Variants in GALNT15 observed in about 807,000 individuals in gnomAD.
The protein encoded by GALNT15 is UDP-GalNAc transferase T15.
In GALNT15, 67 loss-of-function variants were observed where a neutral mutation model predicts 66.8. That is an observed-to-expected ratio of 1.00 (90% CI 0.82 to 1.23). GALNT15 has a LOEUF of 1.23. Among genes scored for constraint, GALNT15 ranks in the 50% most tolerant of loss-of-function variants. The pLI is 0.00. For synonymous variants in GALNT15, 313 were observed against 311.5 expected (o/e 1.00, Z -0.05); for missense variants, 827 against 804.3 (o/e 1.03, Z -0.34).
At chr3:16,233,113 T>TTTTTTTTGG (rs71064272), downstream of GALNT15, among the ~76,000 whole-genome samples, 1 of 139,260 alleles carries the variant, frequency 7.2e-6, no homozygotes, top group Non-Finnish European at 1.5e-5. Flanking sequence ...TTTTTTTTTT[T>TTTTTTTTGG]GAAACGGAGT....
chr3:16,207,591 A>C lies in GALNT15; in HGVS notation c.912-912A>C, dbSNP rs2063771589. On this transcript the variant is annotated intron_variant, in intron 3 of 9. Coordinates refer to ENST00000339732, the MANE Select transcript of GALNT15 (RefSeq NM_054110.5). ...TTACCGGGAAATGAGCAAATAACCC[A>C]AAATAGTCAGGACTTTGATTATAGA... Among the ~76,000 whole-genome samples the C allele has an allele frequency of 1.6e-5, 2 of 128,250 alleles. 1 individual carries two copies. The highest frequency in any genetic ancestry group is 1.8e-4 in the Admixed American group (2 of 11,412). The allele number at this position is 128,250 out of a possible 152,430, so 84.1% of individuals were successfully genotyped here.
rs1408687639 is a variant in GALNT15, at chr3:16,222,717, G to A, written c.1732G>A (p.Glu578Lys). ...GGTGATTCTTCAGAACTGCACGGAG[G>A]AAGGCCTGGCCATCCACCAGCAGCA... ...EQVILQNCTEEGLAIHQQHWD... is the reference protein window; with the variant it reads ...EQVILQNCTEKGLAIHQQHWD... Residue 578 changes from glutamate (E) to lysine (K), a missense_variant, in exon 9 of 10, where the codon GAA becomes AAA. Transcript: ENST00000339732. 2.5e-6 allele frequency: 4 copies of A among 1,614,100 alleles called. No homozygotes were observed. The highest frequency in any genetic ancestry group is 3.4e-6 in the Non-Finnish European group (4 of 1,180,044).
chr3:16,205,656 C>T (rs1219289255), intron 3 of GALNT15, among the ~76,000 whole-genome samples: 4 of 152,194 alleles, frequency 2.6e-5, no homozygotes, highest in South Asian at 2.1e-4. Flanking sequence ...CCAGACACAT[C>T]GGTAGGTACA....
Position 16,227,856 on chromosome 3 carries a change from A to C in GALNT15, c.*356A>C. 6.7e-6 allele frequency: 7 copies of C among 1,037,098 alleles called. No individual in the cohort carries two copies. The highest frequency in any genetic ancestry group is 8.1e-6 in the Non-Finnish European group (7 of 863,514). The allele number at this position is 1,037,098 out of a possible 1,614,324, so 64.2% of individuals were successfully genotyped here. A position where few individuals can be genotyped will look rare whatever the true frequency, so the allele number is the denominator to read the frequency against. On this transcript the variant is annotated 3_prime_UTR_variant, in exon 10 of 10. Coordinates refer to ENST00000339732, the MANE Select transcript of GALNT15 (RefSeq NM_054110.5). This position sits in a 1 kb window ranked among gnomAD's most constrained non-coding sequence, Gnocchi z 4.5. ...CAGCACCTCCAGGATACATAAATTC[A>C]ATGGATCAATTTATTTGTCTTCAAA...
rs193225435 is a variant in GALNT15, at chr3:16,209,589, G to C, written c.1079+919G>C. Among the ~76,000 whole-genome samples the C allele has an allele frequency of 3.3e-3, 498 of 152,232 alleles. No homozygotes were observed. Among genetic ancestry groups the C allele is most frequent in the African/African-American group, 0.01 (430 of 41,530 alleles). ...TCCTAGCACTTTGGGAGGCAGAGGC[G>C]GGCTGATCACTCGAGGCCAGGAGTT... On this transcript the variant is annotated intron_variant, in intron 4 of 9. Transcript: ENST00000339732. This position sits in a 1 kb window ranked among gnomAD's most constrained non-coding sequence, Gnocchi z 4.1.
At chr3:16,208,750 T>G (rs2063783926) in intron 4 of GALNT15, 80 bp downstream of exon 4, 11 of 1,287,212 alleles carry the variant, frequency 8.5e-6, no homozygotes, top group Non-Finnish European at 1.2e-5. Flanking sequence ...GGTCTAATCC[T>G]ACCTCCACAG....
In GALNT15 at chr3:16,212,635, C is replaced by A; in HGVS notation, c.1264C>A (p.Gln422Lys). Residue 422 changes from glutamine (Q) to lysine (K), a missense_variant, in exon 6 of 10, where the codon CAG (glutamine) becomes AAG (lysine). Physicochemically the swap from Gln to Lys is moderately conservative, Grantham distance 53. Coordinates refer to ENST00000339732, the MANE Select transcript of GALNT15 (RefSeq NM_054110.5). ...CSRVGHIYQN[Q>K]DSHSPLDQEA... is the part of the protein sequence containing the mutation. ...TCGGGTAGGACACATCTACCAAAATCAGGATTCCCATTCCCCCCTCGACCA... is the reference window on the plus strand; with the variant it reads ...TCGGGTAGGACACATCTACCAAAATAAGGATTCCCATTCCCCCCTCGACCA... 1 of 1,613,984 alleles carries A rather than the reference C, an allele frequency of 6.2e-7. No homozygotes were observed. The highest frequency in any genetic ancestry group is 1.1e-5 in the South Asian group (1 of 91,072).
the GALNT15 span, among the ~76,000 whole-genome samples, chr3:16,245,002 T>C: frequency 6.6e-6 from 1 of 152,122 alleles, no homozygotes; most frequent in Non-Finnish European, 1.5e-5. Context: ...CAGGGTTTTC[T>C]CTGAAGGCAG....
At chr3:16,190,364 C>T (rs2063561121) in intron 1 of GALNT15, among the ~76,000 whole-genome samples, 1 of 152,232 alleles carries the variant, frequency 6.6e-6, no homozygotes, top group African/African-American at 2.4e-5. Context: ...CTAGGCCGGG[C>T]ATGGTGGCTG....
At chr3:16,177,701 G>C (rs566118560) in intron 1 of GALNT15, among the ~76,000 whole-genome samples, 2 of 152,366 alleles carry the variant, frequency 1.3e-5, no homozygotes, top group Non-Finnish European at 2.9e-5. Flanking sequence ...ATCTGGGTGT[G>C]TGTTGCAGTT....
the GALNT15 span, among the ~76,000 whole-genome samples, chr3:16,238,717 T>C: frequency 7.2e-5 from 11 of 152,158 alleles, no homozygotes; most frequent in African/African-American, 2.7e-4. The surrounding 1 kb of genome is among the most constrained non-coding windows in gnomAD (Gnocchi z 4.8). Context: ...AACTTCCACA[T>C]TTGATTGCCT....
In GALNT15 at chr3:16,175,710, T is replaced by G; in HGVS notation, c.539+20T>G. ...CCCACTGTAAGTAAGGCCCTTGTTT[T>G]CCCTTCCCTGATCCCAGGGCATGAT... On this transcript the variant is annotated intron_variant, in intron 1 of 9. Transcript: ENST00000339732. The surrounding 1 kb of genome is among the most constrained non-coding windows in gnomAD (Gnocchi z 5.6). The G allele has an allele frequency of 6.5e-7, 1 of 1,540,350 alleles. No homozygotes were observed. The highest frequency in any genetic ancestry group is 8.7e-7 in the Non-Finnish European group (1 of 1,144,418).
In GALNT15 at chr3:16,224,148, C is replaced by T. The variant is rs73138529; in HGVS notation, c.1773+1390C>T. ...GAGTAAAAGATTAGGGAGTAAGATACACCCAGCATATTTCAGGCATTAATA... is the reference window on the plus strand; with the variant it reads ...GAGTAAAAGATTAGGGAGTAAGATATACCCAGCATATTTCAGGCATTAATA... On this transcript the variant is annotated intron_variant, in intron 9 of 9. Coordinates refer to ENST00000339732, the MANE Select transcript of GALNT15 (RefSeq NM_054110.5). The surrounding 1 kb of genome is among the most constrained non-coding windows in gnomAD (Gnocchi z 5.2). Among the ~76,000 whole-genome samples, 4 of 152,088 alleles carry T rather than the reference C, an allele frequency of 2.6e-5. No homozygotes were observed. The highest frequency in any genetic ancestry group is 7.2e-5 in the African/African-American group (3 of 41,392).
the GALNT15 span, among the ~76,000 whole-genome samples, chr3:16,239,861 G>A: frequency 6.6e-6 from 1 of 152,346 alleles, no homozygotes; most frequent in South Asian, 2.1e-4. This position sits in a 1 kb window ranked among gnomAD's most constrained non-coding sequence, Gnocchi z 5.2. Context: ...TATGATATAG[G>A]AAGTTGCGTG....
chr3:16,207,537 AAAAAAAT>A (rs2063770325), intron 3 of GALNT15, among the ~76,000 whole-genome samples: 1 of 2,294 alleles, frequency 4.4e-4, no homozygotes, highest in Non-Finnish European at 7.7e-4. Context: ...AAAAAAAAAA[AAAAAAAT>A]TGGGCCTAAA....
chr3:16,205,278 C>T (rs2063745173), intron 3 of GALNT15, among the ~76,000 whole-genome samples: 1 of 152,196 alleles, frequency 6.6e-6, no homozygotes. Flanking sequence ...CCTTGAGGAA[C>T]ATCCAGGCTC....
rs2063956160 is a variant in GALNT15 at position 16,222,662 on chromosome 3, G to A, written c.1677G>A (p.Gln559=). The A allele has an allele frequency of 6.2e-7, 1 of 1,614,244 alleles. No individual in the cohort carries two copies. The highest frequency in any genetic ancestry group is 1.7e-5 in the Admixed American group (1 of 60,026). The change falls in exon 9 of 10, where the codon CAG becomes CAA. Residue 559 remains glutamine, a synonymous_variant. Coordinates refer to ENST00000339732, the MANE Select transcript of GALNT15 (RefSeq NM_054110.5). ...AGGAGATTCACTTTGGCAGCCCACAGCACCTGTGCTTTGCTGTCAGGCAGG... is the reference window on the plus strand; with the variant it reads ...AGGAGATTCACTTTGGCAGCCCACAACACCTGTGCTTTGCTGTCAGGCAGG... ...SRKEIHFGSP[Q]HLCFAVRQEQ...
At chr3:16,177,554 T>C (rs2063423186) in intron 1 of GALNT15, among the ~76,000 whole-genome samples, 4 of 152,258 alleles carry the variant, frequency 2.6e-5, no homozygotes, top group Admixed American at 2.6e-4. Flanking sequence ...TGCATGTTAC[T>C]TTGTGTATGT....
chr3:16,207,595 TAGTC>T (rs36153283), intron 3 of GALNT15, among the ~76,000 whole-genome samples: 16,679 of 121,652 alleles, frequency 0.14, 1,323 homozygotes, highest in East Asian at 0.21. Flanking sequence ...TAACCCAAAA[TAGTC>T]AGGACTTTGA....
Sources: gnomAD v4.1 joint callset for allele counts (sites outside exome capture counted in the v4.1 genomes callset) on GRCh38, gnomAD v4.1.1 for gene constraint, Gnocchi (gnomAD v3.1) non-coding constraint, MANE v1.5 for transcripts, NCBI Gene and HGNC (gene_info 2026-07-23, HGNC 2026-07-21) for gene names.